The following PDCL3 variants were observed in gnomAD, a reference collection of about 807,000 sequenced individuals.
PDCL3 encodes the protein phosducin-like protein 3.
A neutral mutation model predicts 26.5 loss-of-function variants in PDCL3; 22 were observed. The ratio of observed to expected loss-of-function variants is 0.83; its 90% confidence interval spans 0.59 to 1.19. PDCL3 has a LOEUF of 1.19. PDCL3 is among the 50% of genes most tolerant of loss of function. The pLI, the probability that PDCL3 is intolerant of heterozygous loss-of-function variation, is 0.00. For missense variants in PDCL3, 246 were observed against 294.1 expected, an observed-to-expected ratio of 0.84 and a Z score of 1.20; for synonymous variants, 81 against 104.9, an observed-to-expected ratio of 0.77 and a Z score of 1.39.
At chr2:100,565,571 G>T (rs1300863080) in intron 1 of PDCL3, among the ~76,000 whole-genome samples, 3 of 152,090 alleles carry the variant, frequency 2.0e-5, no homozygotes, top group Non-Finnish European at 4.4e-5. Flanking sequence ...ACCGTGCCCA[G>T]CCTGGAAGAT....
intron 5 of PDCL3, 131 bp from the exon 6 acceptor site, chr2:100,576,223 T>G (rs1283307407): frequency 4.2e-6 from 4 of 948,408 alleles, no homozygotes; most frequent in Non-Finnish European, 3.1e-6. Flanking sequence ...ATTACAGGCG[T>G]GAGCCATTGT....
intron 1 of PDCL3, among the ~76,000 whole-genome samples, chr2:100,563,915 GT>G (rs373590264): frequency 0.013 from 1,835 of 140,544 alleles, 30 homozygotes; most frequent in African/African-American, 0.044. Context: ...GCCAGACACT[GT>G]TTTTTTTTTT....
rs535661587 is a variant in PDCL3 at position 100,564,950 on chromosome 2, G to T, written c.7-1553G>T. On this transcript the variant is annotated intron_variant, in intron 1 of 5. Transcript: ENST00000264254. The stretch of plus-strand genomic sequence containing the variant: ...GCTTAGAGTGCCCTGTATTTTATGA[G>T]CTACTCTGAGACGTCTCAGCTTTTC... Among the ~76,000 whole-genome samples, 68 of 152,282 alleles carry T rather than the reference G, an allele frequency of 4.5e-4. No individual in the cohort carries two copies. In the Middle Eastern group the frequency reaches 0.01, roughly 23 times the overall value.
chr2:100,573,392 G>A (rs942200406), intron 5 of PDCL3, among the ~76,000 whole-genome samples: 3 of 151,836 alleles, frequency 2.0e-5, no homozygotes, highest in South Asian at 2.1e-4. Flanking sequence ...CTCATCTGGC[G>A]GCCGGGTGCG....
chr2:100,575,378 G>T (rs577991128), intron 5 of PDCL3, among the ~76,000 whole-genome samples: 6 of 152,070 alleles, frequency 3.9e-5, no homozygotes, highest in African/African-American at 9.7e-5. Context: ...TTCGTGATCC[G>T]CCCACCTTGG....
intron 2 of PDCL3, 63 bp from the exon 3 acceptor site, chr2:100,568,868 A>C: frequency 7.2e-7 from 1 of 1,384,974 alleles, no homozygotes; most frequent in Non-Finnish European, 1.0e-6. Context: ...AGGGGAAAAA[A>C]GAAAAATACA....
intron 5 of PDCL3, among the ~76,000 whole-genome samples, chr2:100,576,076 T>C (rs1573285637): frequency 6.6e-6 from 1 of 151,984 alleles, no homozygotes; most frequent in East Asian, 1.9e-4. Flanking sequence ...TTTTATGTTT[T>C]ATTTACTTTT....
rs974743103 is a variant in PDCL3 at position 100,562,995 on chromosome 2, G to T, written c.-73G>T. ...GGGAAGAGGCGTGGCGGCGCTGTGC[G>T]CGTGCACAAAAGAGAGCTGAGGGGC... is the stretch of plus-strand genomic sequence containing the variant. On this transcript the variant is annotated 5_prime_UTR_variant, in exon 1 of 6. Coordinates refer to ENST00000264254, the MANE Select transcript of PDCL3 (RefSeq NM_024065.5). 10 of 1,557,488 alleles carry T rather than the reference G, an allele frequency of 6.4e-6. No individual in the cohort carries two copies.
At chr2:100,569,522 G>A (rs1460898438) in intron 3 of PDCL3, 56 bp from the exon 4 acceptor site, 19 of 1,579,042 alleles carry the variant, frequency 1.2e-5, no homozygotes, top group Admixed American at 1.7e-5. Context: ...CCTTCTAGAC[G>A]ATGTGTGTGT....
chr2:100,576,451 G>C lies in PDCL3; in HGVS notation c.675G>C (p.Arg225=). ...PIEDVLLSSV[R]RSVLMKRDSD... ...AAGACGTGTTGCTGTCCTCAGTGCGGCGCTCTGTCCTCATGAAGAGGGACA... is the reference window on the plus strand; with the variant it reads ...AAGACGTGTTGCTGTCCTCAGTGCGCCGCTCTGTCCTCATGAAGAGGGACA... Residue 225 remains arginine, a synonymous_variant, in exon 6 of 6, where the codon CGG becomes CGC. Coordinates refer to ENST00000264254, the MANE Select transcript of PDCL3 (RefSeq NM_024065.5). 2 of 1,613,846 alleles carry C rather than the reference G, an allele frequency of 1.2e-6. No individual in the cohort carries two copies. Among genetic ancestry groups the C allele is most frequent in the Non-Finnish European group, 1.7e-6 (2 of 1,179,822 alleles).
intron 4 of PDCL3, among the ~76,000 whole-genome samples, chr2:100,570,179 T>A (rs1289297762): frequency 1.3e-5 from 2 of 152,194 alleles, no homozygotes; most frequent in Non-Finnish European, 2.9e-5. Flanking sequence ...TATTACTTAA[T>A]TTTTTTATCT....
chr2:100,574,587 G>A (rs1346393298), intron 5 of PDCL3, among the ~76,000 whole-genome samples: 2 of 152,100 alleles, frequency 1.3e-5, no homozygotes, highest in East Asian at 3.9e-4. Context: ...ATTTCACATA[G>A]CTGCCCTCAC....
At chr2:100,566,679 C>T (rs200602477) in intron 2 of PDCL3, 50 bp downstream of exon 2, 3 of 1,603,894 alleles carry the variant, frequency 1.9e-6, no homozygotes, top group Non-Finnish European at 8.5e-7. Context: ...GAGATGGCTC[C>T]CTAAGCCTCT....
chr2:100,570,638 C>T (rs1252599451), intron 4 of PDCL3, among the ~76,000 whole-genome samples: 1 of 151,936 alleles, frequency 6.6e-6, no homozygotes, highest in Non-Finnish European at 1.5e-5. Context: ...CCACCGCACT[C>T]AGCTGATTTT....
At chr2:100,576,280 G>C in intron 5 of PDCL3, 74 bp from the exon 6 acceptor site, 3 of 1,508,352 alleles carry the variant, frequency 2.0e-6, no homozygotes, top group Non-Finnish European at 2.7e-6. Flanking sequence ...GAAAAAACTA[G>C]GTTGATGGAC....
At chr2:100,567,316 A>G (rs564612127) in intron 2 of PDCL3, among the ~76,000 whole-genome samples, 1 of 152,302 alleles carries the variant, frequency 6.6e-6, no homozygotes, top group Non-Finnish European at 1.5e-5. Context: ...CATGATTATC[A>G]TTGTCAGGTG....
chr2:100,567,830 G>GT (rs775336335), intron 2 of PDCL3, among the ~76,000 whole-genome samples: 6 of 144,000 alleles, frequency 4.2e-5, no homozygotes, highest in Non-Finnish European at 6.3e-5. Flanking sequence ...TCTCTTTTTT[G>GT]TTTTTTTTTT....
At chr2:100,568,279 C>T (rs1393779278) in intron 2 of PDCL3, among the ~76,000 whole-genome samples, 4 of 131,090 alleles carry the variant, frequency 3.1e-5, no homozygotes, top group Non-Finnish European at 4.9e-5. Flanking sequence ...ATGCAATCAC[C>T]GAGGGAGTGG....
At chr2:100,569,135 A>G in intron 3 of PDCL3, 114 bp downstream of exon 3, 1 of 871,112 alleles carries the variant, frequency 1.1e-6, no homozygotes, top group Non-Finnish European at 1.8e-6. Context: ...TCATACCTGT[A>G]GTCCCAACAC....
Sources: gnomAD v4.1 joint callset for allele counts (sites outside exome capture counted in the v4.1 genomes callset) on GRCh38, gnomAD v4.1.1 for gene constraint, MANE v1.5 for transcripts, NCBI Gene and HGNC (gene_info 2026-07-23, HGNC 2026-07-21) for gene names.